The following NELL2 variants were observed in gnomAD, a reference collection of about 807,000 sequenced individuals.
NELL2 encodes neural EGFL like 2.
Under a neutral mutation model 109.6 loss-of-function variants are expected in NELL2, and 41 were observed. The observed-to-expected ratio is 0.37, with a 90% CI of 0.29 to 0.49. The LOEUF is 0.49. Among genes scored for constraint, NELL2 ranks in the 20% least tolerant of loss-of-function variants. NELL2 has a pLI of 0.98. For synonymous variants in NELL2, 355 were observed against 344.7 expected, an observed-to-expected ratio of 1.03 and a Z score of -0.33; for missense variants, 900 against 1,008.3, an observed-to-expected ratio of 0.89 and a Z score of 1.45.
Position 44,734,960 on chromosome 12 carries a change from A to T in NELL2, c.995-20219T>A, listed in dbSNP as rs570124241. 2.0e-5 allele frequency among the ~76,000 whole-genome samples: 3 copies of T among 152,178 alleles called. No individual in the cohort carries two copies. The South Asian group carries it at 6.2e-4, about 32-fold the overall frequency. On this transcript the variant is annotated intron_variant, in intron 9 of 19. Transcript: ENST00000429094. ...AGCTCAGAAGCCATTTTCCTTCCAT[A>T]TATTGAGGAAGGGATGGAACTACTC...
chr12:44,909,649 A>G (rs1238008653), intron 1 of NELL2, among the ~76,000 whole-genome samples: 1 of 151,870 alleles, frequency 6.6e-6, no homozygotes, highest in African/African-American at 2.4e-5. Context: ...AAGAAAAAAG[A>G]ACAATGTTAG....
chr12:44,850,785 C>T (rs1944511018), intron 2 of NELL2, among the ~76,000 whole-genome samples: 1 of 152,132 alleles, frequency 6.6e-6, no homozygotes, highest in Non-Finnish European at 1.5e-5. Flanking sequence ...AAAGCCCTTG[C>T]AATACCATTA....
At chr12:44,815,595 A>G (rs1182707515) in intron 3 of NELL2, among the ~76,000 whole-genome samples, 2 of 152,206 alleles carry the variant, frequency 1.3e-5, no homozygotes, top group African/African-American at 2.4e-5. Context: ...TGTATAATGT[A>G]ACAAAACCAT....
intron 15 of NELL2, among the ~76,000 whole-genome samples, chr12:44,574,272 CTGTTT>C (rs1346602067): frequency 1.3e-5 from 2 of 151,682 alleles, no homozygotes; most frequent in African/African-American, 2.4e-5. Flanking sequence ...TGGCTATGTT[CTGTTT>C]TATTTTTATT....
At chr12:44,579,845 A>G (rs1484443665) in intron 15 of NELL2, among the ~76,000 whole-genome samples, 1 of 152,134 alleles carries the variant, frequency 6.6e-6, no homozygotes, top group African/African-American at 2.4e-5. Context: ...TACCTCAATT[A>G]CCTCATCTCT....
intron 3 of NELL2, among the ~76,000 whole-genome samples, chr12:44,784,571 C>A (rs1327128652): frequency 6.6e-6 from 1 of 151,984 alleles, no homozygotes; most frequent in Non-Finnish European, 1.5e-5. Flanking sequence ...GGCAGAGACA[C>A]AATAAAAAAA....
intron 15 of NELL2, among the ~76,000 whole-genome samples, chr12:44,597,546 T>C (rs1411221943): frequency 1.3e-5 from 2 of 152,222 alleles, no homozygotes; most frequent in Non-Finnish European, 2.9e-5. Context: ...CATACTTAAC[T>C]TCGAATCAGT....
intron 2 of NELL2, among the ~76,000 whole-genome samples, chr12:44,828,868 T>C (rs1177527126): frequency 1.3e-5 from 2 of 152,164 alleles, no homozygotes; most frequent in Admixed American, 1.3e-4. Flanking sequence ...TGATAATAAT[T>C]TGGCTTCTAG....
At chr12:44,810,361 G>A (rs1943133761) in intron 3 of NELL2, among the ~76,000 whole-genome samples, 1 of 152,048 alleles carries the variant, frequency 6.6e-6, no homozygotes, top group Non-Finnish European at 1.5e-5. Flanking sequence ...TGAGAAAGCT[G>A]CATTCCACAG....
At chr12:44,617,901 A>C (rs1945898971) in intron 13 of NELL2, among the ~76,000 whole-genome samples, 1 of 152,010 alleles carries the variant, frequency 6.6e-6, no homozygotes, top group Admixed American at 6.5e-5. Flanking sequence ...AATGTCCCAC[A>C]GTGTTTGTTC....
At chr12:44,695,862 T>C (rs952748750) in intron 12 of NELL2, among the ~76,000 whole-genome samples, 9 of 152,002 alleles carry the variant, frequency 5.9e-5, no homozygotes, top group African/African-American at 2.2e-4. Flanking sequence ...TGCATGCCTG[T>C]AGGCCCAGCT....
intron 13 of NELL2, among the ~76,000 whole-genome samples, chr12:44,612,763 C>A (rs933392070): frequency 6.6e-6 from 1 of 151,984 alleles, no homozygotes; most frequent in Non-Finnish European, 1.5e-5. Context: ...TATGGACAGC[C>A]GTAGGCCCTT....
At chr12:44,589,277 A>AAG (rs1555181485) in intron 15 of NELL2, among the ~76,000 whole-genome samples, 3 of 151,814 alleles carry the variant, frequency 2.0e-5, no homozygotes, top group African/African-American at 7.3e-5. Context: ...AAAAAAAAAA[A>AAG]CAGAACTGCT....
chr12:44,641,896 A>G (rs1179832683), intron 13 of NELL2, among the ~76,000 whole-genome samples: 2 of 151,806 alleles, frequency 1.3e-5, no homozygotes, highest in African/African-American at 4.8e-5. Flanking sequence ...AGGGTTTCAC[A>G]GTATTGCCCA....
chr12:44,774,615 GTATTCTTCCTT>G (rs1941676501), intron 9 of NELL2, 121 bp downstream of exon 9: 1 of 725,252 alleles, frequency 1.4e-6, no homozygotes, highest in Non-Finnish European at 2.3e-6. Flanking sequence ...AACAGAGAAA[GTATTCTTCCTT>G]TATTCCATCA....
chr12:44,522,226 AACACGCACACACAC>A (rs543783478), intron 17 of NELL2, 50 bp from the exon 18 acceptor site: 2 of 1,535,160 alleles, frequency 1.3e-6, no homozygotes, highest in Non-Finnish European at 1.8e-6. Context: ...ATTTCTCAGT[AACACGCACACACAC>A]ACACGCACAC....
At chr12:44,884,009 C>A (rs1259865644) in intron 1 of NELL2, among the ~76,000 whole-genome samples, 1 of 151,528 alleles carries the variant, frequency 6.6e-6, no homozygotes, top group Non-Finnish European at 1.5e-5. Context: ...CTAATCATAA[C>A]AATTAAAAGA....
chr12:44,587,284 A>AAAAT, intron 15 of NELL2, among the ~76,000 whole-genome samples: 1 of 72,206 alleles, frequency 1.4e-5, no homozygotes. Context: ...AAAAAAAAAA[A>AAAAT]ATATATATAT....
intron 3 of NELL2, among the ~76,000 whole-genome samples, chr12:44,780,320 A>G (rs1014028216): frequency 6.6e-6 from 1 of 151,968 alleles, no homozygotes; most frequent in African/African-American, 2.4e-5. Context: ...GACCTAAAAA[A>G]TCCTCAAGAT....
Sources: gnomAD v4.1 joint callset for allele counts (sites outside exome capture counted in the v4.1 genomes callset) on GRCh38, gnomAD v4.1.1 for gene constraint, MANE v1.5 for transcripts, NCBI Gene and HGNC (gene_info 2026-07-23, HGNC 2026-07-21) for gene names.